The following KHDRBS2 variants were observed in gnomAD, a reference collection of about 807,000 sequenced individuals.
KHDRBS2 encodes the protein KH domain-containing, RNA-binding, signal transduction-associated protein 2.
Under a neutral mutation model 44.3 loss-of-function variants are expected in KHDRBS2, and 26 were observed. The observed-to-expected ratio is 0.59, with a 90% CI of 0.43 to 0.81. The LOEUF is 0.81. Ranked by LOEUF, KHDRBS2 falls within the 40% of genes least tolerant of loss-of-function variation. The pLI, the probability that KHDRBS2 is intolerant of heterozygous loss-of-function variation, is 0.00. For missense variants in KHDRBS2, 476 were observed against 433.1 expected (o/e 1.10, Z -0.88); for synonymous variants, 194 against 151.1 (o/e 1.28, Z -2.08).
chr6:61,576,297 C>T, the KHDRBS2 span, among the ~76,000 whole-genome samples: 1 of 145,884 alleles, frequency 6.9e-6, no homozygotes, highest in South Asian at 2.2e-4. Context: ...GTAGATCCTT[C>T]ACCCCCTTGA....
intron 6 of KHDRBS2, among the ~76,000 whole-genome samples, chr6:61,838,738 C>T (rs950888564): frequency 2.0e-5 from 3 of 152,112 alleles, no homozygotes; most frequent in East Asian, 1.9e-4. Flanking sequence ...TGCTATCATC[C>T]TTCACATGGA....
chr6:61,634,471 G>A, the KHDRBS2 span, among the ~76,000 whole-genome samples: 1 of 152,008 alleles, frequency 6.6e-6, no homozygotes, highest in Admixed American at 6.6e-5. Flanking sequence ...TAGAGCCTTT[G>A]ATGAAACCTG....
chr6:62,106,926 A>G (rs1803523133), intron 2 of KHDRBS2, among the ~76,000 whole-genome samples: 2 of 151,956 alleles, frequency 1.3e-5, no homozygotes, highest in South Asian at 4.2e-4. Flanking sequence ...TAAATTAGGT[A>G]TTGATGGGAT....
chr6:61,910,227 A>G (rs1406067223), intron 4 of KHDRBS2, among the ~76,000 whole-genome samples: 1 of 152,224 alleles, frequency 6.6e-6, no homozygotes, highest in Non-Finnish European at 1.5e-5. Flanking sequence ...GCAAAACAGA[A>G]CATGCTATTA....
intron 4 of KHDRBS2, among the ~76,000 whole-genome samples, chr6:61,955,064 A>ACATATATGTATGTATG (rs1766267565): frequency 7.0e-6 from 1 of 143,040 alleles, no homozygotes; most frequent in Non-Finnish European, 1.5e-5. Flanking sequence ...ATGTATGTAT[A>ACATATATGTATGTATG]CACATATACG....
intron 2 of KHDRBS2, among the ~76,000 whole-genome samples, chr6:62,070,767 C>A (rs1213851519): frequency 6.6e-6 from 1 of 152,164 alleles, no homozygotes; most frequent in Non-Finnish European, 1.5e-5. Flanking sequence ...GGTTCCAAGT[C>A]TTTGCTATTG....
intron 6 of KHDRBS2, among the ~76,000 whole-genome samples, chr6:61,868,879 C>T (rs1295564858): frequency 6.6e-6 from 1 of 152,136 alleles, no homozygotes; most frequent in East Asian, 1.9e-4. Flanking sequence ...TGGACTGGAG[C>T]ATGTAAAGGT....
intron 6 of KHDRBS2, among the ~76,000 whole-genome samples, chr6:61,765,634 G>T (rs56231834): frequency 6.6e-6 from 1 of 151,868 alleles, no homozygotes; most frequent in African/African-American, 2.4e-5. Flanking sequence ...TGTTATATAT[G>T]GCCTTTATCA....
chr6:61,757,358 T>C (rs1294255062), intron 6 of KHDRBS2, among the ~76,000 whole-genome samples: 3 of 152,192 alleles, frequency 2.0e-5, no homozygotes, highest in Non-Finnish European at 4.4e-5. Flanking sequence ...CCCAGTAATG[T>C]GTAGGGGTTC....
intron 5 of KHDRBS2, among the ~76,000 whole-genome samples, 189 bp from the exon 6 acceptor site, chr6:61,895,022 T>C (rs149635322): frequency 1.2e-4 from 18 of 151,582 alleles, no homozygotes; most frequent in South Asian, 8.3e-4. Context: ...TTGATATCTA[T>C]AGAAGACAAT....
chr6:62,114,878 T>A (rs1805841859), intron 2 of KHDRBS2, among the ~76,000 whole-genome samples: 1 of 150,682 alleles, frequency 6.6e-6, no homozygotes, highest in Non-Finnish European at 1.5e-5. Context: ...ATAAACTTTT[T>A]AGAAATTTAT....
rs398001756 is a variant in KHDRBS2 at position 62,059,198 on chromosome 6, G to GTTTTTTTTTTTTTTTTTTTTTTTT, written c.220-11228_220-11205dup. On this transcript the variant is annotated intron_variant, in intron 2 of 8. Coordinates refer to ENST00000281156, the MANE Select transcript of KHDRBS2 (RefSeq NM_152688.4). ...TATTTCCACATAGAAAAGTTAGGAA[G>GTTTTTTTTTTTTTTTTTTTTTTTT]TTTTTTTTTTTTTTTTTTTTTTTTT... Among the ~76,000 whole-genome samples the GTTTTTTTTTTTTTTTTTTTTTTTT allele has an allele frequency of 2.0e-3, 51 of 24,886 alleles. 20 individuals carry two copies. Among genetic ancestry groups the GTTTTTTTTTTTTTTTTTTTTTTTT allele is most frequent in the East Asian group, 4.3e-3 (2 of 466 alleles). The allele number at this position is 24,886 out of a possible 152,430, so 16.3% of individuals were successfully genotyped here. A position where few individuals can be genotyped will look rare whatever the true frequency, so the allele number is the denominator to read the frequency against.
intron 7 of KHDRBS2, among the ~76,000 whole-genome samples, chr6:61,721,366 G>A (rs537032331): frequency 5.5e-4 from 84 of 151,950 alleles, no homozygotes; most frequent in African/African-American, 1.9e-3. Context: ...AAATTACCTC[G>A]GGCAGTATGG....
At chr6:62,173,311 A>G (rs1376750203) in intron 2 of KHDRBS2, among the ~76,000 whole-genome samples, 1 of 152,034 alleles carries the variant, frequency 6.6e-6, no homozygotes, top group South Asian at 2.1e-4. Flanking sequence ...AAACACCTCT[A>G]TACACACATA....
At chr6:61,980,669 T>A (rs1393669) in intron 3 of KHDRBS2, among the ~76,000 whole-genome samples, 27,828 of 152,070 alleles carry the variant, frequency 0.18, 2,914 homozygotes, top group African/African-American at 0.27. Flanking sequence ...AGGACCCAGA[T>A]GGCATGGCAA....
intron 3 of KHDRBS2, among the ~76,000 whole-genome samples, chr6:62,019,355 T>A (rs1426657259): frequency 6.6e-6 from 1 of 152,134 alleles, no homozygotes; most frequent in African/African-American, 2.4e-5. Flanking sequence ...TACCAAGTAC[T>A]TTTCATGAAT....
chr6:62,000,971 GA>G (rs34265428), intron 3 of KHDRBS2, among the ~76,000 whole-genome samples: 1 of 152,094 alleles, frequency 6.6e-6, no homozygotes, highest in Admixed American at 6.6e-5. Flanking sequence ...GAAAAATTAA[GA>G]ACAGGAAGGT....
At chr6:61,549,615 A>G in the KHDRBS2 span, among the ~76,000 whole-genome samples, 1 of 152,166 alleles carries the variant, frequency 6.6e-6, no homozygotes. Flanking sequence ...TGGTGGAAGT[A>G]TATGAAGAAA....
intron 1 of KHDRBS2, among the ~76,000 whole-genome samples, chr6:62,219,358 A>C (rs773787120): frequency 2.2e-4 from 34 of 152,058 alleles, no homozygotes; most frequent in Non-Finnish European, 4.1e-4. Context: ...CAGAGAAAAT[A>C]AATGGAAAAA....
Sources: allele counts gnomAD v4.1 joint callset (sites outside exome capture counted in the v4.1 genomes callset), GRCh38; gene constraint gnomAD v4.1.1; transcripts MANE v1.5; gene names NCBI Gene and HGNC (gene_info 2026-07-23, HGNC 2026-07-21).